The following NACC2 variants were observed in gnomAD, a reference collection of about 807,000 sequenced individuals.
The protein encoded by NACC2 is nucleus accumbens-associated protein 2.
A neutral mutation model predicts 25.1 loss-of-function variants in NACC2; 8 were observed. The ratio of observed to expected loss-of-function variants is 0.32; its 90% CI spans 0.19 to 0.57. The LOEUF (loss-of-function observed/expected upper bound fraction) is 0.57, where lower values mean the gene tolerates loss of function less well. Among genes scored for constraint, NACC2 ranks in the 20% least tolerant of loss-of-function variants. The pLI is 0.89. For synonymous variants in NACC2, 435 were observed against 294.7 expected, an observed-to-expected ratio of 1.48 and a Z score of -4.88; for missense variants, 644 against 650.2, an observed-to-expected ratio of 0.99 and a Z score of 0.10.
intron 1 of NACC2, among the ~76,000 whole-genome samples, chr9:136,051,870 G>C (rs1840846011): frequency 6.6e-6 from 1 of 150,656 alleles, no homozygotes; most frequent in Admixed American, 6.6e-5. Context: ...GGCGCAGGGA[G>C]CCGGCAAGGA....
At chr9:136,064,996 T>C (rs1018684658) in intron 1 of NACC2, among the ~76,000 whole-genome samples, 8 of 152,226 alleles carry the variant, frequency 5.3e-5, no homozygotes, top group African/African-American at 1.9e-4. Flanking sequence ...GACGACTGGA[T>C]AGCCACATGC....
chr9:136,067,932 T>C (rs1841106860), intron 1 of NACC2, among the ~76,000 whole-genome samples: 4 of 152,236 alleles, frequency 2.6e-5, no homozygotes, highest in Admixed American at 2.6e-4. Context: ...CTATAGAGCA[T>C]GTTACTGTAC....
intron 2 of NACC2, among the ~76,000 whole-genome samples, chr9:136,046,816 C>T (rs1793785014): frequency 6.6e-6 from 1 of 152,292 alleles, no homozygotes; most frequent in East Asian, 1.9e-4. Context: ...AGACCCTTGC[C>T]GTGAGGCCAC....
chr9:136,091,336 C>T (rs1427987977), intron 1 of NACC2, among the ~76,000 whole-genome samples: 1 of 152,218 alleles, frequency 6.6e-6, no homozygotes, highest in Non-Finnish European at 1.5e-5. Context: ...ACGGGTTCCT[C>T]ACTCAAGGTC....
chr9:136,070,446 G>A (rs1337175670), intron 1 of NACC2, among the ~76,000 whole-genome samples: 1 of 151,836 alleles, frequency 6.6e-6, no homozygotes, highest in Non-Finnish European at 1.5e-5. Flanking sequence ...AGCGGAGGTT[G>A]CAGTGAGCCG....
intron 1 of NACC2, among the ~76,000 whole-genome samples, chr9:136,070,476 C>G (rs2131177910): frequency 6.6e-6 from 1 of 151,828 alleles, no homozygotes; most frequent in East Asian, 1.9e-4. Flanking sequence ...CACTGCACTC[C>G]AGCCTGGGCG....
In NACC2 at chr9:136,050,228, G is replaced by A. The variant is rs1840799103; in HGVS notation, c.294C>T (p.Leu98=). Residue 98 remains leucine (L), a synonymous_variant, in exon 2 of 6, where the codon CTC becomes CTT. Transcript: ENST00000277554. The part of the protein sequence containing the change: ...GRLTMTASEQ[L]VVMYTAGFLQ... ...GGAAGCCGGCCGTGTACATGACCAC[G>A]AGCTGCTCGCTGGCCGTCATGGTGA... 5.2e-6 allele frequency: 4 copies of A among 772,508 alleles called. No individual in the cohort carries two copies. Among genetic ancestry groups the A allele is most frequent in the Admixed American group, 3.4e-5 (2 of 58,490 alleles). 47.9% of individuals were successfully genotyped at this position (772,508 alleles called of 1,614,324 possible).
chr9:136,075,153 C>A (rs1408125121), intron 1 of NACC2, among the ~76,000 whole-genome samples: 2 of 152,250 alleles, frequency 1.3e-5, no homozygotes, highest in Non-Finnish European at 2.9e-5. Context: ...AAGTGGGGAG[C>A]CCCAGGTGTG....
chr9:136,016,485 G>C (rs952116603), intron 2 of NACC2, 56 bp from the exon 3 acceptor site: 1 of 1,598,386 alleles, frequency 6.3e-7, no homozygotes, highest in African/African-American at 1.3e-5. Context: ...GGGCTGCTCT[G>C]TGCCTGCCCG....
intron 2 of NACC2, among the ~76,000 whole-genome samples, chr9:136,025,560 A>G (rs1384260136): frequency 1.3e-5 from 2 of 152,132 alleles, no homozygotes; most frequent in African/African-American, 4.8e-5. Flanking sequence ...TACAGGCAAC[A>G]AGATGGAAAA....
At chr9:136,065,465 CAA>C (rs1841068873) in intron 1 of NACC2, among the ~76,000 whole-genome samples, 2 of 152,288 alleles carry the variant, frequency 1.3e-5, no homozygotes, top group South Asian at 4.1e-4. Context: ...ACTAAAAATA[CAA>C]AAGTCAGCCA....
chr9:136,083,958 G>A (rs1162688641), intron 1 of NACC2, among the ~76,000 whole-genome samples: 1 of 152,072 alleles, frequency 6.6e-6, no homozygotes, highest in Non-Finnish European at 1.5e-5. Context: ...AAGCCTCTCC[G>A]CCTCACCCCA....
intron 5 of NACC2, among the ~76,000 whole-genome samples, chr9:136,012,572 G>A (rs964014137): frequency 2.6e-5 from 4 of 151,890 alleles, no homozygotes; most frequent in Admixed American, 2.6e-4. Context: ...CAGAGCCTCG[G>A]CTGCCACCCC....
At position 136,084,892 on chromosome 9, in the gene NACC2, G is replaced by A. The variant is rs1459520987; in HGVS notation, c.-60+10297C>T. ...GCAGTCCCGGAAGCAGGCCTACAGA[G>A]ACAGGAAGTAGAAAGGTGCCTGCCA... On this transcript the variant is annotated intron_variant, in intron 1 of 5. Transcript: ENST00000277554. The surrounding 1 kb of genome is among the most constrained non-coding windows in gnomAD (Gnocchi z 5.1). Among the ~76,000 whole-genome samples, 1 of 152,192 alleles carries A rather than the reference G, an allele frequency of 6.6e-6. No homozygotes were observed. The highest frequency in any genetic ancestry group is 1.5e-5 in the Non-Finnish European group (1 of 68,044).
chr9:136,090,869 CT>C (rs33916861), intron 1 of NACC2, among the ~76,000 whole-genome samples: 94,084 of 151,662 alleles, frequency 0.62, 29,600 homozygotes, highest in Middle Eastern at 0.71. Context: ...TGCAGCATGG[CT>C]TTGCCGTTCA....
At chr9:136,041,842 G>C (rs1840637399) in intron 2 of NACC2, among the ~76,000 whole-genome samples, 1 of 152,204 alleles carries the variant, frequency 6.6e-6, no homozygotes, top group African/African-American at 2.4e-5. Flanking sequence ...GAAATTGAGA[G>C]ATGTACTTTC....
intron 3 of NACC2, among the ~76,000 whole-genome samples, chr9:136,014,993 A>AT (rs72549966): frequency 8.9e-5 from 1 of 11,252 alleles, no homozygotes; most frequent in Non-Finnish European, 2.1e-4. Flanking sequence ...CCTGAAGGAC[A>AT]CGATGTCCAG....
chr9:136,056,840 C>T (rs1030434482), intron 1 of NACC2, among the ~76,000 whole-genome samples: 3 of 152,234 alleles, frequency 2.0e-5, no homozygotes, highest in African/African-American at 7.2e-5. Context: ...GGTAACTGCA[C>T]TAAGGAACAT....
intron 1 of NACC2, among the ~76,000 whole-genome samples, chr9:136,094,404 C>T (rs1830465369): frequency 6.6e-6 from 1 of 152,310 alleles, no homozygotes; most frequent in East Asian, 1.9e-4. Context: ...CTCTGACCTC[C>T]GACCCCACAC....
Sources: allele counts gnomAD v4.1 joint callset (sites outside exome capture counted in the v4.1 genomes callset), GRCh38; gene constraint gnomAD v4.1.1; non-coding constraint Gnocchi (gnomAD v3.1); transcripts MANE v1.5; gene names NCBI Gene and HGNC (gene_info 2026-07-23, HGNC 2026-07-21).